The following HUNK variants were observed in gnomAD, a reference collection of about 807,000 sequenced individuals.
HUNK encodes the protein hormonally up-regulated neu tumor-associated kinase.
HUNK carries 21 observed loss-of-function variants against 61.0 expected under a neutral mutation model. The observed-to-expected ratio is 0.34, with a 90% CI of 0.24 to 0.50. The LOEUF is 0.50. Among genes scored for constraint, HUNK ranks in the 20% least tolerant of loss-of-function variants. HUNK has a pLI of 0.98. For missense variants in HUNK, 772 were observed against 945.7 expected, an observed-to-expected ratio of 0.82 and a Z score of 2.41; for synonymous variants, 371 against 386.1, an observed-to-expected ratio of 0.96 and a Z score of 0.46.
intron 8 of HUNK, among the ~76,000 whole-genome samples, chr21:31,985,509 C>T (rs1490910095): frequency 6.6e-6 from 1 of 152,136 alleles, no homozygotes; most frequent in Non-Finnish European, 1.5e-5. Flanking sequence ...GGGACTTGCC[C>T]CCGGCATAGA....
chr21:31,900,421 G>A (rs1198260325), intron 1 of HUNK, among the ~76,000 whole-genome samples: 1 of 140,768 alleles, frequency 7.1e-6, no homozygotes, highest in Non-Finnish European at 1.5e-5. Flanking sequence ...GATTATTTAG[G>A]CTAGAACCAG....
At chr21:31,982,154 G>A (rs1238465231) in intron 7 of HUNK, among the ~76,000 whole-genome samples, 1 of 152,124 alleles carries the variant, frequency 6.6e-6, no homozygotes, top group African/African-American at 2.4e-5. Context: ...TCTTATTCCT[G>A]AACAAGTTGT....
intron 3 of HUNK, among the ~76,000 whole-genome samples, chr21:31,944,436 G>A (rs534325920): frequency 6.6e-6 from 1 of 152,280 alleles, no homozygotes; most frequent in East Asian, 1.9e-4. Flanking sequence ...GTGATCCTGA[G>A]GGGTGGGGTC....
At chr21:31,897,320 C>T (rs2052431938) in intron 1 of HUNK, among the ~76,000 whole-genome samples, 1 of 152,186 alleles carries the variant, frequency 6.6e-6, no homozygotes, top group Non-Finnish European at 1.5e-5. Context: ...TTTATTGTCT[C>T]ATTCTGGAGG....
intron 2 of HUNK, among the ~76,000 whole-genome samples, chr21:31,937,344 G>T (rs938697193): frequency 6.6e-6 from 1 of 152,166 alleles, no homozygotes; most frequent in Admixed American, 6.5e-5. Flanking sequence ...TAGGAAGGAA[G>T]GTAAAAGCAT....
chr21:31,963,524 G>T (rs1430570443), intron 5 of HUNK, among the ~76,000 whole-genome samples: 2 of 152,138 alleles, frequency 1.3e-5, no homozygotes, highest in African/African-American at 4.8e-5. Flanking sequence ...TTAAGACAAG[G>T]TTTCACTGTG....
At position 31,974,731 on chromosome 21, in the gene HUNK, T is replaced by G. The variant is rs2053036713; in HGVS notation, c.1173+14T>G. 6.2e-7 allele frequency: 1 copy of G among 1,603,038 alleles called. No individual in the cohort carries two copies. Among genetic ancestry groups the G allele is most frequent in the South Asian group, 1.1e-5 (1 of 89,578 alleles). ...TATTTGTCAGGGGTAAGTGCGACCC[T>G]AGAGGCGATCGTCTCTGCTGTCTGT... On this transcript the variant is annotated intron_variant, in intron 7 of 10. Coordinates refer to ENST00000270112, the MANE Select transcript of HUNK (RefSeq NM_014586.2).
chr21:31,973,846 G>T (rs138588193), intron 6 of HUNK, among the ~76,000 whole-genome samples: 128 of 152,308 alleles, frequency 8.4e-4, no homozygotes, highest in Non-Finnish European at 1.2e-3. Context: ...GTGAACAAAT[G>T]AATGCGTAGA....
At chr21:31,968,839 A>T (rs3932725) in intron 6 of HUNK, among the ~76,000 whole-genome samples, 22 of 51,436 alleles carry the variant, frequency 4.3e-4, no homozygotes, top group Admixed American at 1.0e-3. Flanking sequence ...GTTGTGTGTA[A>T]ATTTGTGTGT....
At chr21:31,928,292 G>A (rs756323092) in intron 2 of HUNK, among the ~76,000 whole-genome samples, 2 of 152,136 alleles carry the variant, frequency 1.3e-5, no homozygotes, top group Non-Finnish European at 2.9e-5. Flanking sequence ...TCAGGATCGC[G>A]AGAACAACAA....
At chr21:31,966,629 T>G (rs1162252486) in intron 5 of HUNK, among the ~76,000 whole-genome samples, 20 of 152,138 alleles carry the variant, frequency 1.3e-4, no homozygotes, top group Admixed American at 1.3e-3. Flanking sequence ...ATTTTTACCC[T>G]GCAGAAAATG....
intron 1 of HUNK, among the ~76,000 whole-genome samples, chr21:31,887,545 G>C (rs1302447257): frequency 1.3e-5 from 2 of 151,518 alleles, no homozygotes; most frequent in African/African-American, 4.8e-5. Context: ...TTGAGTTCTT[G>C]TTGTCTTATG....
At position 32,002,811 on chromosome 21, in the gene HUNK, A is replaced by G. The variant is rs902468690; in HGVS notation, c.*3627A>G. The stretch of plus-strand genomic sequence containing the variant: ...CTTGTTTCCCCTGGGAAGTGAGGGG[A>G]CGAAGCCTTAGAGGGTGACATAGCT... On this transcript the variant is annotated 3_prime_UTR_variant, in exon 11 of 11. Transcript: ENST00000270112. 8 of 152,182 alleles carry G rather than the reference A, an allele frequency of 5.3e-5. No homozygotes were observed. The highest frequency in any genetic ancestry group is 1.4e-4 in the African/African-American group (6 of 41,428). 9.4% of individuals were successfully genotyped at this position (152,182 alleles called of 1,614,324 possible). A position where few individuals can be genotyped will look rare whatever the true frequency, so the allele number is the denominator to read the frequency against.
intron 5 of HUNK, among the ~76,000 whole-genome samples, chr21:31,960,699 A>T (rs2052921858): frequency 6.6e-6 from 1 of 152,168 alleles, no homozygotes; most frequent in Non-Finnish European, 1.5e-5. Context: ...TTATAAAACC[A>T]TCAGATCTCG....
intron 9 of HUNK, among the ~76,000 whole-genome samples, chr21:31,994,429 G>A (rs181837697): frequency 4.6e-5 from 7 of 152,338 alleles, no homozygotes; most frequent in Non-Finnish European, 1.0e-4. Flanking sequence ...AGTGTAGAGA[G>A]ATATTTCCCT....
intron 1 of HUNK, among the ~76,000 whole-genome samples, chr21:31,922,391 A>G (rs1441582102): frequency 6.7e-6 from 1 of 149,190 alleles, no homozygotes; most frequent in African/African-American, 2.5e-5. Flanking sequence ...CAATGGCACA[A>G]TCTTGGCTCA....
intron 1 of HUNK, among the ~76,000 whole-genome samples, chr21:31,885,579 C>T (rs557706753): frequency 6.6e-6 from 1 of 152,280 alleles, no homozygotes; most frequent in Non-Finnish European, 1.5e-5. Context: ...AGTCCAAAAT[C>T]AAGGTGTTGG....
In HUNK at chr21:31,998,795, C is replaced by T; in HGVS notation, c.1756C>T (p.Pro586Ser). 2 of 1,614,190 alleles carry T rather than the reference C, an allele frequency of 1.2e-6. No individual in the cohort carries two copies. The highest frequency in any genetic ancestry group is 1.7e-6 in the Non-Finnish European group (2 of 1,180,038). Reference protein sequence around the residue: ...PSHHYRILNSPVSLARRNSSE... With the variant: ...PSHHYRILNSSVSLARRNSSE... ...TCATCACTACAGGATTCTGAACTCC[C>T]CGGTCAGCTTGGCTCGCAGAAATTC... The change falls in exon 11 of 11, where the codon CCG (proline) becomes TCG (serine). Residue 586 changes from proline to serine, a missense_variant. Pro to Ser is a moderately conservative substitution (Grantham distance 74). Coordinates refer to ENST00000270112, the MANE Select transcript of HUNK (RefSeq NM_014586.2).
intron 6 of HUNK, among the ~76,000 whole-genome samples, chr21:31,968,747 TGTGTGTGAGA>T (rs763330817): frequency 4.2e-4 from 55 of 129,892 alleles, no homozygotes; most frequent in African/African-American, 1.4e-3. Context: ...TGTGTGTGTG[TGTGTGTGAGA>T]GAGAGAGAGT....
Sources: allele counts gnomAD v4.1 joint callset (sites outside exome capture counted in the v4.1 genomes callset), GRCh38; gene constraint gnomAD v4.1.1; transcripts MANE v1.5; gene names NCBI Gene and HGNC (gene_info 2026-07-23, HGNC 2026-07-21).